The following ZSWIM5 variants were observed in gnomAD, a reference collection of about 807,000 sequenced individuals.
The protein encoded by ZSWIM5 is zinc finger SWIM domain-containing protein 5.
In ZSWIM5, 55 loss-of-function variants were observed where a neutral mutation model predicts 119.6. The ratio of observed to expected loss-of-function variants is 0.46; its 90% confidence interval spans 0.37 to 0.58. The LOEUF is 0.58. Among genes scored for constraint, ZSWIM5 ranks in the 20% least tolerant of loss-of-function variants. ZSWIM5 has a pLI of 0.00. For missense variants in ZSWIM5, 1,193 were observed against 1,512.8 expected, an observed-to-expected ratio of 0.79 and a Z score of 3.51; for synonymous variants, 537 against 606.9, an observed-to-expected ratio of 0.88 and a Z score of 1.69.
At chr1:45,159,379 A>G (rs897344291) in intron 1 of ZSWIM5, among the ~76,000 whole-genome samples, 1 of 152,108 alleles carries the variant, frequency 6.6e-6, no homozygotes, top group African/African-American at 2.4e-5. Flanking sequence ...TAAAATGAGG[A>G]TAATAATATC....
At chr1:45,099,666 C>T (rs1247102092) in intron 1 of ZSWIM5, among the ~76,000 whole-genome samples, 5 of 152,084 alleles carry the variant, frequency 3.3e-5, no homozygotes, top group African/African-American at 1.2e-4. Context: ...ACTGGCAAAC[C>T]GAATCCAGCA....
At chr1:45,145,905 A>G (rs1170799689) in intron 1 of ZSWIM5, among the ~76,000 whole-genome samples, 1 of 152,198 alleles carries the variant, frequency 6.6e-6, no homozygotes, top group Non-Finnish European at 1.5e-5. Context: ...AGGTAGGAGA[A>G]AAACTAGGAG....
chr1:45,031,382 G>T (rs10749853), intron 11 of ZSWIM5, among the ~76,000 whole-genome samples: 13 of 151,214 alleles, frequency 8.6e-5, no homozygotes, highest in African/African-American at 2.7e-4. Flanking sequence ...TGGAGTTTTA[G>T]CATGTTAGCC....
chr1:45,089,735 G>T (rs1645352897), intron 1 of ZSWIM5, among the ~76,000 whole-genome samples: 1 of 152,124 alleles, frequency 6.6e-6, no homozygotes, highest in Non-Finnish European at 1.5e-5. Context: ...GGCTCAAGAG[G>T]TGCAGGTGAG....
chr1:45,047,216 T>A (rs1001764642), intron 5 of ZSWIM5, among the ~76,000 whole-genome samples: 1 of 152,062 alleles, frequency 6.6e-6, no homozygotes, highest in Non-Finnish European at 1.5e-5. Flanking sequence ...ATGTGTCAAA[T>A]ACTGCGGATA....
intron 1 of ZSWIM5, among the ~76,000 whole-genome samples, chr1:45,116,852 A>G (rs577607131): frequency 6.6e-6 from 1 of 152,228 alleles, no homozygotes; most frequent in East Asian, 1.9e-4. Context: ...ACTATGTTAC[A>G]TTTGCTCCTC....
At chr1:45,027,545 T>C (rs1231857251) in intron 11 of ZSWIM5, among the ~76,000 whole-genome samples, 1 of 151,906 alleles carries the variant, frequency 6.6e-6, no homozygotes, top group Non-Finnish European at 1.5e-5. Flanking sequence ...TACAGGCGCC[T>C]GCCACCATGC....
At chr1:45,161,124 T>C (rs1352814408) in intron 1 of ZSWIM5, among the ~76,000 whole-genome samples, 1 of 151,868 alleles carries the variant, frequency 6.6e-6, no homozygotes, top group African/African-American at 2.4e-5. Context: ...GTGCCTGGCC[T>C]ATATACCACA....
At chr1:45,171,852 C>G (rs1357318052) in intron 1 of ZSWIM5, among the ~76,000 whole-genome samples, 1 of 152,004 alleles carries the variant, frequency 6.6e-6, no homozygotes, top group Non-Finnish European at 1.5e-5. Flanking sequence ...AACCAACTAA[C>G]CAGAAGTTAT....
At chr1:45,081,456 G>A (rs1192201687) in intron 2 of ZSWIM5, among the ~76,000 whole-genome samples, 4 of 152,342 alleles carry the variant, frequency 2.6e-5, no homozygotes, top group African/African-American at 4.8e-5. Context: ...AATTGCAGGC[G>A]CGCGCCGCCA....
At position 45,065,772 on chromosome 1, in the gene ZSWIM5, G is replaced by A. The variant is rs1206300593; in HGVS notation, c.953-5525C>T. Among the ~76,000 whole-genome samples, 3 of 152,146 alleles carry A rather than the reference G, an allele frequency of 2.0e-5. No homozygotes were observed. The East Asian group carries it at 5.8e-4, about 29-fold the overall frequency. On this transcript the variant is annotated intron_variant, in intron 2 of 13. Coordinates refer to ENST00000359600, the MANE Select transcript of ZSWIM5 (RefSeq NM_020883.2). Reference sequence around the variant, plus strand: ...GCATCGAGGTAACAAACTACAAGGAGTTGGTGTGATTGCTGAGGCAAGCAA... The same window carrying A: ...GCATCGAGGTAACAAACTACAAGGAATTGGTGTGATTGCTGAGGCAAGCAA...
rs1345015302 is a variant in ZSWIM5, at chr1:45,083,012, ATTC to A, written c.952+4866_952+4868del. On this transcript the variant is annotated intron_variant, in intron 2 of 13. Transcript: ENST00000359600. ...AGCCCAGCTGTCAGGGTACAGAGCT[ATTC>A]TTCTCTCTGGTGCTACAGGCCTGGG... Among the ~76,000 whole-genome samples, 5 of 152,156 alleles carry A rather than the reference ATTC, an allele frequency of 3.3e-5. No individual in the cohort carries two copies. In the South Asian group the frequency reaches 8.3e-4, roughly 25 times the overall value.
chr1:45,028,470 CA>C (rs1162308522), intron 11 of ZSWIM5, among the ~76,000 whole-genome samples: 3 of 152,008 alleles, frequency 2.0e-5, no homozygotes, highest in African/African-American at 7.2e-5. Flanking sequence ...ACTTTTTCAT[CA>C]AAAATTTTCT....
At chr1:45,118,086 G>A (rs1412481176) in intron 1 of ZSWIM5, among the ~76,000 whole-genome samples, 1 of 151,792 alleles carries the variant, frequency 6.6e-6, no homozygotes, top group African/African-American at 2.4e-5. Flanking sequence ...CTGGGCAACA[G>A]AGCAAGACCC....
intron 2 of ZSWIM5, among the ~76,000 whole-genome samples, chr1:45,074,257 T>G (rs1369104181): frequency 6.6e-6 from 1 of 152,020 alleles, no homozygotes; most frequent in Non-Finnish European, 1.5e-5. Context: ...TAGAATGAGT[T>G]TGGAAGTATT....
intron 1 of ZSWIM5, among the ~76,000 whole-genome samples, chr1:45,127,741 G>A (rs1000895205): frequency 9.9e-5 from 15 of 152,016 alleles, no homozygotes; most frequent in Admixed American, 3.3e-4. Context: ...CACTCTTACT[G>A]TACAAAGCAG....
chr1:45,069,741 C>G (rs74070846), intron 2 of ZSWIM5, among the ~76,000 whole-genome samples: 1 of 152,080 alleles, frequency 6.6e-6, no homozygotes, highest in African/African-American at 2.4e-5. Flanking sequence ...CACTCAACAT[C>G]GCTGGCATAG....
chr1:45,064,271 A>G (rs1645170190), intron 2 of ZSWIM5, among the ~76,000 whole-genome samples: 1 of 152,150 alleles, frequency 6.6e-6, no homozygotes, highest in Admixed American at 6.5e-5. Context: ...AATGTTCTTC[A>G]TAGCACTTTA....
At chr1:45,157,008 C>T (rs1645830547) in intron 1 of ZSWIM5, among the ~76,000 whole-genome samples, 1 of 152,072 alleles carries the variant, frequency 6.6e-6, no homozygotes, top group Non-Finnish European at 1.5e-5. Context: ...AAAATAGAAC[C>T]TTACCATTAT....
Sources: gnomAD v4.1 joint callset for allele counts (sites outside exome capture counted in the v4.1 genomes callset) on GRCh38, gnomAD v4.1.1 for gene constraint, MANE v1.5 for transcripts, NCBI Gene and HGNC (gene_info 2026-07-23, HGNC 2026-07-21) for gene names.